SHANK2: variants seen among roughly 807,000 people sequenced by gnomAD.
SHANK2 encodes SH3 and multiple ankyrin repeat domains protein 2.
SHANK2 carries 43 observed loss-of-function variants against 133.7 expected under a neutral mutation model. The observed-to-expected ratio is 0.32, with a 90% CI of 0.25 to 0.41. The LOEUF (loss-of-function observed/expected upper bound fraction) is 0.41, where lower values mean the gene tolerates loss of function less well. Ranked by LOEUF, SHANK2 falls within the 10% of genes least tolerant of loss-of-function variation. The pLI is 1.00. For missense variants in SHANK2, 1,994 were observed against 2,235.8 expected (o/e 0.89, Z 2.18); for synonymous variants, 1,017 against 952.8 (o/e 1.07, Z -1.24).
At position 71,119,001 on chromosome 11, in the gene SHANK2, A is replaced by G; in HGVS notation, c.239T>C (p.Val80Ala). 7.7e-6 allele frequency: 12 copies of G among 1,551,676 alleles called. No homozygotes were observed. The South Asian group carries it at 1.3e-4, about 17-fold the overall frequency. ...CAGGATCCGCTGCTTTGCAACCCAC[A>G]CTGTGGCATCCGGGTTAAATCGAAT... ...KCIRFNPDATVWVAKQRILCT... is the reference protein window; with the variant it reads ...KCIRFNPDATAWVAKQRILCT... Residue 80 changes from valine to alanine, a missense_variant, in exon 4 of 26, where the codon GTG (valine) becomes GCG (alanine). Physicochemically the swap from Val to Ala is moderately conservative, Grantham distance 64. This residue lies in a region of SHANK2 where 653 missense variants were observed against 563.4 expected (regional missense o/e 1.16). Coordinates refer to ENST00000601538, the MANE Select transcript of SHANK2 (RefSeq NM_012309.5).
At chr11:70,668,041 T>G (rs1944713597) in intron 15 of SHANK2, 1 of 151,398 alleles carries the variant, frequency 6.6e-6, no homozygotes, top group Admixed American at 6.6e-5. Context: ...CCACTGAGAG[T>G]CAGGGGATGA....
At chr11:70,665,510 T>C (rs1239454103) in intron 15 of SHANK2, among the ~76,000 whole-genome samples, 1 of 152,196 alleles carries the variant, frequency 6.6e-6, no homozygotes, top group Non-Finnish European at 1.5e-5. Flanking sequence ...AATGGCCCTG[T>C]CCTGTTTATT....
chr11:70,942,165 C>T (rs1424865398), intron 10 of SHANK2, among the ~76,000 whole-genome samples: 7 of 151,734 alleles, frequency 4.6e-5, no homozygotes, highest in South Asian at 2.1e-4. Context: ...TCAGCCTGGG[C>T]GACAGTGTGA....
intron 2 of SHANK2, among the ~76,000 whole-genome samples, chr11:71,169,021 G>A (rs575687529): frequency 3.4e-4 from 52 of 152,146 alleles, no homozygotes; most frequent in Non-Finnish European, 6.2e-4. Flanking sequence ...GTAATTGTGG[G>A]TTTTGCCATT....
chr11:70,473,467 C>T lies in SHANK2; in HGVS notation c.4980-28G>A. The T allele has an allele frequency of 2.5e-6, 4 of 1,598,790 alleles. No individual in the cohort carries two copies. The highest frequency in any genetic ancestry group is 3.4e-6 in the Non-Finnish European group (4 of 1,178,842). ...GAAACAGCAACACAGAGAAAACCAT[C>T]ACAAGGCAGGTCACCGAGTCAGGGC... On this transcript the variant is annotated intron_variant, in intron 25 of 25. Coordinates refer to ENST00000601538, the MANE Select transcript of SHANK2 (RefSeq NM_012309.5). This position sits in a 1 kb window ranked among gnomAD's most constrained non-coding sequence, Gnocchi z 5.9.
intron 17 of SHANK2, among the ~76,000 whole-genome samples, chr11:70,622,497 C>T (rs948426491): frequency 6.6e-6 from 1 of 152,222 alleles, no homozygotes. Flanking sequence ...GATTCACTCA[C>T]AGTTCAGGCG....
chr11:70,881,329 G>T (rs576857904), intron 11 of SHANK2, among the ~76,000 whole-genome samples: 1 of 152,168 alleles, frequency 6.6e-6, no homozygotes, highest in East Asian at 1.9e-4. Context: ...TTACAGGTGC[G>T]AGCCACCTTG....
At chr11:70,597,435 G>A (rs752118976) in intron 17 of SHANK2, among the ~76,000 whole-genome samples, 74 of 152,290 alleles carry the variant, frequency 4.9e-4, no homozygotes, top group Non-Finnish European at 8.7e-4. Context: ...CCCCTGAGAG[G>A]CGGCCAGTGG....
At chr11:70,628,345 C>T (rs1016983632) in intron 17 of SHANK2, among the ~76,000 whole-genome samples, 5 of 152,060 alleles carry the variant, frequency 3.3e-5, no homozygotes, top group South Asian at 2.1e-4. Flanking sequence ...TTCTGACGGG[C>T]GCAGCAGGGG....
chr11:70,616,809 T>C (rs1554996086), intron 17 of SHANK2, among the ~76,000 whole-genome samples: 1 of 151,982 alleles, frequency 6.6e-6, no homozygotes, highest in African/African-American at 2.4e-5. Flanking sequence ...TCCTGACCAG[T>C]CCCCAGGCGA....
chr11:70,608,645 G>A (rs782417572), intron 17 of SHANK2, among the ~76,000 whole-genome samples: 5 of 152,194 alleles, frequency 3.3e-5, no homozygotes, highest in Non-Finnish European at 7.3e-5. Flanking sequence ...CCCATCAGCC[G>A]CAGGAGCGCT....
At chr11:71,104,469 T>C (rs73521151) in intron 6 of SHANK2, among the ~76,000 whole-genome samples, 2,889 of 152,304 alleles carry the variant, frequency 0.019, 96 homozygotes, top group African/African-American at 0.066. Flanking sequence ...CCGTCCCTTA[T>C]GCTCTGCCTT....
At chr11:71,173,205 A>G (rs376668957) in intron 2 of SHANK2, among the ~76,000 whole-genome samples, 2 of 152,264 alleles carry the variant, frequency 1.3e-5, no homozygotes, top group South Asian at 2.1e-4. Flanking sequence ...GTCAATAACC[A>G]TAAAAGGAAA....
chr11:70,796,852 T>C (rs1947925269), intron 14 of SHANK2, among the ~76,000 whole-genome samples: 2 of 152,316 alleles, frequency 1.3e-5, no homozygotes, highest in East Asian at 1.9e-4. Context: ...CTGAAGAACC[T>C]CTAACCTCAT....
rs1261884952 is a variant in SHANK2, at chr11:71,168,158, G to A, written c.-12-20820C>T. Among the ~76,000 whole-genome samples, 10 of 137,046 alleles carry A rather than the reference G, an allele frequency of 7.3e-5. 2 individuals are homozygous for A. Among genetic ancestry groups the A allele is most frequent in the Admixed American group, 2.8e-4 (4 of 14,484 alleles). 89.9% of individuals were successfully genotyped at this position (137,046 alleles called of 152,430 possible). A position where few individuals can be genotyped will look rare whatever the true frequency, so the allele number is the denominator to read the frequency against. ...TCCTCACTTCTCAGACGGGGTGGCC[G>A]GGCAGAGACGCTCCTCACATCCCGC... On this transcript the variant is annotated intron_variant, in intron 2 of 25. Coordinates refer to ENST00000601538, the MANE Select transcript of SHANK2 (RefSeq NM_012309.5).
At chr11:70,767,589 T>C (rs1446243007) in intron 14 of SHANK2, among the ~76,000 whole-genome samples, 1 of 151,108 alleles carries the variant, frequency 6.6e-6, no homozygotes, top group African/African-American at 2.4e-5. Context: ...TGGCACTGAG[T>C]GAAGGATGCC....
At chr11:70,497,156 G>A (rs1223645639) in intron 21 of SHANK2, 5 of 407,856 alleles carry the variant, frequency 1.2e-5, no homozygotes, top group East Asian at 7.1e-5. Context: ...CCACAGGGGT[G>A]TGGGTCCCTC....
At chr11:70,842,693 T>A (rs1025091813) in intron 11 of SHANK2, among the ~76,000 whole-genome samples, 3 of 152,096 alleles carry the variant, frequency 2.0e-5, no homozygotes, top group Admixed American at 1.3e-4. Flanking sequence ...TCGTGCAGCT[T>A]AAATGGAACT....
chr11:71,147,036 G>C, intron 3 of SHANK2, 84 bp downstream of exon 3: 1 of 1,204,780 alleles, frequency 8.3e-7, no homozygotes, highest in East Asian at 2.6e-5. Context: ...CGTGGGTCCG[G>C]GGAGGACCAG....
Sources: allele counts gnomAD v4.1 joint callset (sites outside exome capture counted in the v4.1 genomes callset), GRCh38; gene constraint gnomAD v4.1.1; regional missense constraint gnomAD v4.1.1; non-coding constraint Gnocchi (gnomAD v3.1); transcripts MANE v1.5; gene names NCBI Gene and HGNC (gene_info 2026-07-23, HGNC 2026-07-21).